The following MAML2 variants were observed in gnomAD, a reference collection of about 807,000 sequenced individuals.
MAML2 encodes the protein mastermind-like protein 2.
A neutral mutation model predicts 96.1 loss-of-function variants in MAML2; 22 were observed. The observed-to-expected ratio is 0.23, with a 90% CI of 0.16 to 0.33. MAML2 has a LOEUF of 0.33. MAML2 is among the 10% of genes least tolerant of loss of function. MAML2 has a pLI of 1.00. For synonymous variants in MAML2, 561 were observed against 521.3 expected (o/e 1.08, Z -1.04); for missense variants, 1,367 against 1,392.4 (o/e 0.98, Z 0.29).
At chr11:96,185,708 C>T (rs564362531) in intron 1 of MAML2, among the ~76,000 whole-genome samples, 4 of 152,294 alleles carry the variant, frequency 2.6e-5, no homozygotes, top group Non-Finnish European at 5.9e-5. Context: ...CATGTTACTG[C>T]TCAGTGTTCC....
At chr11:95,995,098 G>A (rs1161279844) in intron 2 of MAML2, among the ~76,000 whole-genome samples, 1 of 152,184 alleles carries the variant, frequency 6.6e-6, no homozygotes, top group African/African-American at 2.4e-5. Context: ...AATTATTAAA[G>A]TTATTTCTAC....
chr11:96,292,760 G>A (rs140567351), intron 1 of MAML2, among the ~76,000 whole-genome samples: 113 of 152,192 alleles, frequency 7.4e-4, no homozygotes, highest in Middle Eastern at 3.4e-3. Flanking sequence ...ATTGCTATAT[G>A]GCTATCATTA....
chr11:96,251,691 G>C (rs1420618449), intron 1 of MAML2, among the ~76,000 whole-genome samples: 1 of 151,528 alleles, frequency 6.6e-6, no homozygotes, highest in Non-Finnish European at 1.5e-5. Flanking sequence ...TGGAATGTTG[G>C]AGAAGCATCA....
intron 1 of MAML2, among the ~76,000 whole-genome samples, chr11:96,247,188 G>A (rs1862523787): frequency 6.6e-6 from 1 of 151,912 alleles, no homozygotes; most frequent in Admixed American, 6.6e-5. Flanking sequence ...GTCTTGACAA[G>A]TATATATCAG....
chr11:96,089,289 G>T (rs1372346912), intron 2 of MAML2, among the ~76,000 whole-genome samples: 2 of 152,166 alleles, frequency 1.3e-5, no homozygotes, highest in African/African-American at 2.4e-5. Flanking sequence ...ACGAGAATCA[G>T]AAGAACCTTA....
At chr11:96,094,486 G>C (rs750774616) in intron 1 of MAML2, among the ~76,000 whole-genome samples, 2 of 152,214 alleles carry the variant, frequency 1.3e-5, no homozygotes, top group Non-Finnish European at 2.9e-5. Flanking sequence ...TGTAGAAAAA[G>C]TATGGCTTAC....
intron 2 of MAML2, among the ~76,000 whole-genome samples, chr11:96,074,661 C>T (rs566892502): frequency 1.3e-5 from 2 of 152,332 alleles, no homozygotes; most frequent in African/African-American, 4.8e-5. Context: ...AGACGCCCAC[C>T]GGCTGCTGTG....
At chr11:96,201,736 G>C (rs533147544) in intron 1 of MAML2, among the ~76,000 whole-genome samples, 1 of 151,936 alleles carries the variant, frequency 6.6e-6, no homozygotes, top group East Asian at 2.0e-4. Flanking sequence ...TGGCTAACAC[G>C]GTGAAACCCC....
At chr11:96,118,861 CT>C (rs961270254) in intron 1 of MAML2, among the ~76,000 whole-genome samples, 6 of 151,220 alleles carry the variant, frequency 4.0e-5, no homozygotes, top group African/African-American at 4.9e-5. Flanking sequence ...AAAAAAAATT[CT>C]TTTTTTTTCC....
intron 1 of MAML2, among the ~76,000 whole-genome samples, chr11:96,184,300 C>T (rs963031033): frequency 2.6e-5 from 4 of 151,958 alleles, no homozygotes; most frequent in Non-Finnish European, 4.4e-5. Flanking sequence ...AATTAGTGGG[C>T]GTGGTGGCAC....
At chr11:96,146,807 T>C (rs1014357572) in intron 1 of MAML2, among the ~76,000 whole-genome samples, 3 of 152,224 alleles carry the variant, frequency 2.0e-5, no homozygotes, top group Non-Finnish European at 4.4e-5. Flanking sequence ...TAGTTTGATG[T>C]TGAAAATGCT....
intron 1 of MAML2, among the ~76,000 whole-genome samples, chr11:96,128,217 GA>G (rs1231075035): frequency 2.0e-5 from 3 of 152,006 alleles, no homozygotes; most frequent in African/African-American, 7.2e-5. Context: ...AATATGGTGA[GA>G]CCCCATCTCT....
At chr11:96,172,030 C>G (rs78202867) in intron 1 of MAML2, among the ~76,000 whole-genome samples, 2 of 152,194 alleles carry the variant, frequency 1.3e-5, no homozygotes. Flanking sequence ...TTGTAGAGAG[C>G]GACACTTGGG....
intron 1 of MAML2, among the ~76,000 whole-genome samples, chr11:96,142,948 G>T (rs1860759563): frequency 6.6e-6 from 1 of 152,146 alleles, no homozygotes; most frequent in Admixed American, 6.5e-5. Flanking sequence ...TAGCTTTTGT[G>T]CAAAAAGAAA....
intron 2 of MAML2, among the ~76,000 whole-genome samples, chr11:96,014,863 C>T (rs1032086283): frequency 1.3e-5 from 2 of 152,144 alleles, no homozygotes; most frequent in Non-Finnish European, 2.9e-5. Flanking sequence ...ATGCAAATCT[C>T]AAAGAAATTC....
intron 1 of MAML2, among the ~76,000 whole-genome samples, chr11:96,296,507 G>T (rs971700793): frequency 2.0e-5 from 3 of 152,152 alleles, no homozygotes; most frequent in Admixed American, 6.5e-5. Flanking sequence ...GCTGGGTGTG[G>T]TGGTGCATGC....
At chr11:96,230,924 G>A (rs967690414) in intron 1 of MAML2, among the ~76,000 whole-genome samples, 1 of 152,210 alleles carries the variant, frequency 6.6e-6, no homozygotes, top group Non-Finnish European at 1.5e-5. Context: ...GGTCACATGA[G>A]ATGACTAAAT....
chr11:96,122,340 T>C (rs1860362474), intron 1 of MAML2, among the ~76,000 whole-genome samples: 1 of 152,096 alleles, frequency 6.6e-6, no homozygotes, highest in Non-Finnish European at 1.5e-5. Flanking sequence ...CTCCAAACTC[T>C]TCTGCTCTCC....
chr11:96,103,295 A>G (rs1329619811), intron 1 of MAML2, among the ~76,000 whole-genome samples: 2 of 152,140 alleles, frequency 1.3e-5, no homozygotes, highest in Non-Finnish European at 2.9e-5. Context: ...CTGCCTGACA[A>G]TGTGACTTAT....
Sources: allele counts gnomAD v4.1 joint callset (sites outside exome capture counted in the v4.1 genomes callset), GRCh38; gene constraint gnomAD v4.1.1; transcripts MANE v1.5; gene names NCBI Gene and HGNC (gene_info 2026-07-23, HGNC 2026-07-21).